The following ADAMTSL1 variants were observed in gnomAD, a reference collection of about 807,000 sequenced individuals.
ADAMTSL1 encodes the protein ADAMTS-like protein 1.
Under a neutral mutation model 201.8 loss-of-function variants are expected in ADAMTSL1, and 126 were observed. That is an observed-to-expected ratio of 0.62 (90% confidence interval 0.54 to 0.72). The LOEUF (loss-of-function observed/expected upper bound fraction) is 0.72. Among genes scored for constraint, ADAMTSL1 ranks in the 30% least tolerant of loss-of-function variants. The pLI is 0.00. For missense variants in ADAMTSL1, 2,679 were observed against 2,277.8 expected, an observed-to-expected ratio of 1.18 and a Z score of -3.59; for synonymous variants, 1,121 against 903.4, an observed-to-expected ratio of 1.24 and a Z score of -4.32.
intron 4 of ADAMTSL1, among the ~76,000 whole-genome samples, chr9:18,617,432 C>A (rs1404791085): frequency 6.7e-6 from 1 of 150,030 alleles, no homozygotes; most frequent in African/African-American, 2.5e-5. Context: ...CTAAAATCTG[C>A]ACGACATACT....
chr9:18,233,859 C>A (rs1436255024), intron 2 of ADAMTSL1, among the ~76,000 whole-genome samples: 1 of 152,104 alleles, frequency 6.6e-6, no homozygotes, highest in Non-Finnish European at 1.5e-5. Flanking sequence ...TCATGAGAGG[C>A]AAGGGAGGCA....
chr9:18,562,163 T>G (rs547207154), intron 3 of ADAMTSL1, among the ~76,000 whole-genome samples: 14 of 152,298 alleles, frequency 9.2e-5, no homozygotes, highest in African/African-American at 3.1e-4. Flanking sequence ...CTGGTACCGG[T>G]TTTTTCTTTC....
chr9:18,027,131 C>G (rs974083007), intron 1 of ADAMTSL1, among the ~76,000 whole-genome samples: 3 of 149,314 alleles, frequency 2.0e-5, no homozygotes, highest in Non-Finnish European at 3.0e-5. Flanking sequence ...AGCTAGTGAT[C>G]TATTGAACTT....
chr9:18,256,587 C>G (rs868717123), intron 2 of ADAMTSL1, among the ~76,000 whole-genome samples: 2 of 152,132 alleles, frequency 1.3e-5, no homozygotes, highest in Non-Finnish European at 2.9e-5. Flanking sequence ...TTTCTGACAT[C>G]AAAGGAGTTA....
chr9:18,016,767 A>C lies in ADAMTSL1; in HGVS notation c.87+109845A>C, dbSNP rs1409142833. Among the ~76,000 whole-genome samples, 6 of 152,134 alleles carry C rather than the reference A, an allele frequency of 3.9e-5. No individual in the cohort carries two copies. In the East Asian group the frequency reaches 1.2e-3, roughly 30 times the overall value. On this transcript the variant is annotated intron_variant, in intron 1 of 29. Coordinates refer to the ADAMTSL1 transcript ENST00000680146. The stretch of plus-strand genomic sequence containing the variant: ...TTTAGGGTATAAAATTTAACTTCAA[A>C]TTGGTGGATGGCCAGCAGAATATGG...
chr9:18,207,339 G>A (rs762122204), intron 2 of ADAMTSL1, among the ~76,000 whole-genome samples: 10 of 152,124 alleles, frequency 6.6e-5, no homozygotes, highest in Non-Finnish European at 1.3e-4. Context: ...CAGACAGTAC[G>A]TCTTATAATA....
chr9:18,645,086 G>T lies in ADAMTSL1; in HGVS notation c.834+5675G>T, dbSNP rs1827710364. On this transcript the variant is annotated intron_variant, in intron 7 of 28. Coordinates refer to ENST00000380548, the MANE Select transcript of ADAMTSL1 (RefSeq NM_001040272.6). ...CTTTTTAATGATTGCCATTCTACCTGGTGTGAGATGGTATCTCATTGTGGT... is the reference window on the plus strand; with the variant it reads ...CTTTTTAATGATTGCCATTCTACCTTGTGTGAGATGGTATCTCATTGTGGT... Among the ~76,000 whole-genome samples the T allele has an allele frequency of 3.3e-5, 5 of 152,214 alleles. No homozygotes were observed. In the South Asian group the frequency reaches 1.0e-3, roughly 32 times the overall value.
intron 2 of ADAMTSL1, among the ~76,000 whole-genome samples, chr9:18,181,194 C>T (rs2132177484): frequency 6.6e-6 from 1 of 152,304 alleles, no homozygotes; most frequent in African/African-American, 2.4e-5. Flanking sequence ...TAGAAGAAAA[C>T]CTAGGCAACA....
Position 18,574,271 on chromosome 9 carries a change from G to T in ADAMTSL1, c.474+5G>T. ...TGCATCAGTGGTTTATGCCAAGTAA[G>T]TGCTGATTTGTTCTCATTCAACTTG... is the stretch of plus-strand genomic sequence containing the variant. On this transcript the variant is annotated splice_donor_5th_base_variant and intron_variant, in intron 4 of 28. Coordinates refer to ENST00000380548, the MANE Select transcript of ADAMTSL1 (RefSeq NM_001040272.6). The T allele has an allele frequency of 4.3e-6, 7 of 1,610,628 alleles. No homozygotes were observed. The highest frequency in any genetic ancestry group is 5.9e-6 in the Non-Finnish European group (7 of 1,176,810).
intron 23 of ADAMTSL1, among the ~76,000 whole-genome samples, chr9:18,844,327 G>T (rs185817117): frequency 1.1e-3 from 161 of 152,332 alleles, no homozygotes; most frequent in Admixed American, 3.7e-3. Context: ...CTAGGTACCA[G>T]CAGCGGTGGC....
In ADAMTSL1 at chr9:17,979,283, T is replaced by A. The variant is rs1818587309; in HGVS notation, c.87+72361T>A. 3.9e-5 allele frequency among the ~76,000 whole-genome samples: 6 copies of A among 152,164 alleles called. No homozygotes were observed. The South Asian group carries it at 1.2e-3, about 32-fold the overall frequency. ...CTGCTCCTTTCTCTTTCTTTTCTTC[T>A]TCTTGGATTACTTTAATGCACATAT... On this transcript the variant is annotated intron_variant, in intron 1 of 29. Coordinates refer to the ADAMTSL1 transcript ENST00000680146.
At chr9:18,430,424 G>A (rs527839490) in intron 2 of ADAMTSL1, among the ~76,000 whole-genome samples, 1 of 152,294 alleles carries the variant, frequency 6.6e-6, no homozygotes, top group African/African-American at 2.4e-5. Context: ...CCAGAAGAAT[G>A]TATCAATAAA....
At chr9:18,627,250 GGGATTACAGGTGTGAGCCAC>G (rs1197449317) in intron 5 of ADAMTSL1, among the ~76,000 whole-genome samples, 3 of 152,180 alleles carry the variant, frequency 2.0e-5, no homozygotes, top group African/African-American at 7.2e-5. Flanking sequence ...CCAAAGTGTT[GGGATTACAGGTGTGAGCCAC>G]GGCACCTGGC....
At chr9:18,903,432 A>G (rs1361152145) in intron 26 of ADAMTSL1, among the ~76,000 whole-genome samples, 2 of 152,246 alleles carry the variant, frequency 1.3e-5, no homozygotes, top group Non-Finnish European at 2.9e-5. Flanking sequence ...GTTAAGTCTC[A>G]GTGGTTACAT....
chr9:18,311,862 G>A (rs1164345627), intron 2 of ADAMTSL1, among the ~76,000 whole-genome samples: 1 of 152,130 alleles, frequency 6.6e-6, no homozygotes, highest in African/African-American at 2.4e-5. Flanking sequence ...GCCCACAGTG[G>A]TCTAGAGCTG....
intron 2 of ADAMTSL1, among the ~76,000 whole-genome samples, chr9:18,422,283 CA>C (rs1818991300): frequency 6.6e-6 from 1 of 152,156 alleles, no homozygotes; most frequent in South Asian, 2.1e-4. Flanking sequence ...CTAATCACAT[CA>C]AAAGAGATAC....
At chr9:18,071,886 T>C (rs150394627) in intron 1 of ADAMTSL1, among the ~76,000 whole-genome samples, 12 of 152,328 alleles carry the variant, frequency 7.9e-5, no homozygotes, top group African/African-American at 2.9e-4. Flanking sequence ...TCAGCCGCAC[T>C]TCCTGTGTGT....
chr9:18,739,794 C>T (rs989540715), intron 15 of ADAMTSL1, among the ~76,000 whole-genome samples: 1 of 152,112 alleles, frequency 6.6e-6, no homozygotes, highest in Non-Finnish European at 1.5e-5. Context: ...GAATAGGAAG[C>T]CTGTGCAAAC....
At chr9:18,574,566 T>C (rs1298893935) in intron 4 of ADAMTSL1, 2 of 536,474 alleles carry the variant, frequency 3.7e-6, no homozygotes, top group South Asian at 2.9e-5. Context: ...ATCCCCTGGA[T>C]TGGCTATTCC....
Sources: gnomAD v4.1 joint callset for allele counts (sites outside exome capture counted in the v4.1 genomes callset) on GRCh38, gnomAD v4.1.1 for gene constraint, MANE v1.5 for transcripts, NCBI Gene and HGNC (gene_info 2026-07-23, HGNC 2026-07-21) for gene names.